The following NRG1 variants were observed in gnomAD, a reference collection of about 807,000 sequenced individuals.
NRG1 encodes pro-neuregulin-1, membrane-bound isoform.
In NRG1, 18 loss-of-function variants were observed where a neutral mutation model predicts 63.8. The ratio of observed to expected loss-of-function variants is 0.28; its 90% CI spans 0.19 to 0.42. The LOEUF (loss-of-function observed/expected upper bound fraction) is 0.42, where lower values mean the gene tolerates loss of function less well. Ranked by LOEUF, NRG1 falls within the 10% of genes least tolerant of loss-of-function variation. The probability of loss-of-function intolerance (pLI) is 1.00; values close to 1 mark genes in which losing one functional copy is unlikely to be tolerated. For synonymous variants in NRG1, 302 were observed against 301.3 expected (o/e 1.00, Z -0.02); for missense variants, 762 against 814.7 (o/e 0.94, Z 0.79).
chr8:32,022,765 T>C (rs2130252771), intron 1 of NRG1, among the ~76,000 whole-genome samples: 1 of 152,294 alleles, frequency 6.6e-6, no homozygotes, highest in South Asian at 2.1e-4. Flanking sequence ...CTGTACCTGG[T>C]ACAATCATTT....
At chr8:32,398,247 A>T (rs1812693803) in intron 1 of NRG1, among the ~76,000 whole-genome samples, 1 of 152,124 alleles carries the variant, frequency 6.6e-6, no homozygotes, top group African/African-American at 2.4e-5. Flanking sequence ...TCCTCTAAAG[A>T]GTTGTACAGC....
intron 1 of NRG1, among the ~76,000 whole-genome samples, chr8:32,057,831 G>C (rs1160658129): frequency 1.3e-5 from 2 of 152,050 alleles, no homozygotes; most frequent in African/African-American, 4.8e-5. Flanking sequence ...GTCCTCCTGG[G>C]CTTTGTCCTT....
intron 5 of NRG1, among the ~76,000 whole-genome samples, chr8:32,698,812 A>G (rs1280405815): frequency 6.6e-6 from 1 of 152,158 alleles, no homozygotes. Context: ...ACCACCCCCC[A>G]TAGAGCTGTT....
intron 1 of NRG1, among the ~76,000 whole-genome samples, chr8:31,907,858 T>G (rs1031781948): frequency 2.0e-5 from 3 of 152,360 alleles, no homozygotes; most frequent in Admixed American, 2.0e-4. Flanking sequence ...GGTCTTGTGA[T>G]GAAAAGTATC....
intron 1 of NRG1, among the ~76,000 whole-genome samples, chr8:31,903,713 G>A (rs891639627): frequency 4.6e-5 from 7 of 152,016 alleles, no homozygotes; most frequent in East Asian, 1.9e-4. Flanking sequence ...CCAGCCCTTC[G>A]GGAGGCCGAG....
intron 1 of NRG1, among the ~76,000 whole-genome samples, chr8:32,172,032 A>C (rs1370662917): frequency 1.3e-5 from 2 of 152,168 alleles, no homozygotes; most frequent in African/African-American, 2.4e-5. Context: ...AGATCTGAGA[A>C]CGGACAGACT....
chr8:31,935,852 T>C (rs1835259420), intron 1 of NRG1, among the ~76,000 whole-genome samples: 1 of 152,210 alleles, frequency 6.6e-6, no homozygotes, highest in South Asian at 2.1e-4. Flanking sequence ...TAAGGCTCCA[T>C]GAGAGGCTTG....
chr8:32,450,556 C>T (rs968969781), intron 1 of NRG1, among the ~76,000 whole-genome samples: 3 of 152,158 alleles, frequency 2.0e-5, no homozygotes, highest in African/African-American at 7.2e-5. Flanking sequence ...GCTTGGACTA[C>T]AGGTACATGT....
chr8:31,996,921 G>C (rs572410200), intron 1 of NRG1, among the ~76,000 whole-genome samples: 121 of 151,968 alleles, frequency 8.0e-4, no homozygotes, highest in African/African-American at 2.7e-3. Context: ...CTCTACTAAG[G>C]GGGGGTGGGA....
intron 1 of NRG1, among the ~76,000 whole-genome samples, chr8:32,007,714 A>G (rs1267674354): frequency 1.3e-5 from 2 of 152,050 alleles, no homozygotes; most frequent in Non-Finnish European, 2.9e-5. Flanking sequence ...GTTTGCCCTC[A>G]GATTAGTTTG....
At chr8:32,371,875 TG>T (rs1469714145) in intron 1 of NRG1, among the ~76,000 whole-genome samples, 1 of 152,192 alleles carries the variant, frequency 6.6e-6, no homozygotes, top group African/African-American at 2.4e-5. Context: ...ATTAAAACTA[TG>T]GTTTGTTAAA....
chr8:31,847,743 C>T (rs1826826021), intron 1 of NRG1, among the ~76,000 whole-genome samples: 1 of 152,316 alleles, frequency 6.6e-6, no homozygotes. Flanking sequence ...TTGGGCTCAT[C>T]ACTTGCTGAT....
intron 1 of NRG1, among the ~76,000 whole-genome samples, chr8:31,680,731 G>A (rs1169410561): frequency 6.6e-6 from 1 of 151,888 alleles, no homozygotes; most frequent in Non-Finnish European, 1.5e-5. Flanking sequence ...CTTCCACAAT[G>A]GTTGAACTAC....
chr8:31,795,974 ATT>A (rs1453853869), intron 1 of NRG1, among the ~76,000 whole-genome samples: 1 of 152,206 alleles, frequency 6.6e-6, no homozygotes, highest in Non-Finnish European at 1.5e-5. Flanking sequence ...AAGAAATTGT[ATT>A]CACAGCATAA....
At chr8:32,647,718 A>G (rs753093405) in intron 5 of NRG1, 6 of 1,555,164 alleles carry the variant, frequency 3.9e-6, no homozygotes, top group Non-Finnish European at 5.2e-6. Context: ...AGGTGAGCCG[A>G]TGGAGATTTA....
At chr8:32,640,939 A>G (rs1326121873) in intron 5 of NRG1, among the ~76,000 whole-genome samples, 1 of 151,652 alleles carries the variant, frequency 6.6e-6, no homozygotes, top group African/African-American at 2.4e-5. Flanking sequence ...TAGCCTGGGT[A>G]TGAAAGTGAG....
intron 1 of NRG1, among the ~76,000 whole-genome samples, chr8:31,943,833 G>A (rs527949671): frequency 1.3e-5 from 2 of 152,174 alleles, no homozygotes; most frequent in East Asian, 3.9e-4. Flanking sequence ...AAGCTACAAA[G>A]ATTTCTTATG....
At chr8:31,930,710 C>A (rs2129619880) in intron 1 of NRG1, among the ~76,000 whole-genome samples, 1 of 152,208 alleles carries the variant, frequency 6.6e-6, no homozygotes, top group African/African-American at 2.4e-5. Context: ...TTATAATTCC[C>A]TGAATTTTTC....
intron 1 of NRG1, among the ~76,000 whole-genome samples, chr8:32,500,375 T>C (rs948788215): frequency 1.3e-5 from 2 of 152,206 alleles, no homozygotes; most frequent in African/African-American, 2.4e-5. Context: ...TGCCAGAAAG[T>C]TACCTTCCTT....
Sources: allele counts gnomAD v4.1 joint callset (sites outside exome capture counted in the v4.1 genomes callset), GRCh38; gene constraint gnomAD v4.1.1; transcripts MANE v1.5; gene names NCBI Gene and HGNC (gene_info 2026-07-23, HGNC 2026-07-21).